The following LIN54 variants were observed in gnomAD, a reference collection of about 807,000 sequenced individuals.
LIN54 encodes protein lin-54 homolog.
Under a neutral mutation model 78.7 loss-of-function variants are expected in LIN54, and 9 were observed. The ratio of observed to expected loss-of-function variants is 0.11; its 90% CI spans 0.07 to 0.20. The LOEUF (loss-of-function observed/expected upper bound fraction) is 0.20, where lower values mean the gene tolerates loss of function less well. LIN54 is among the 10% of genes least tolerant of loss of function. The pLI is 1.00. For synonymous variants in LIN54, 269 were observed against 318.4 expected, an observed-to-expected ratio of 0.84 and a Z score of 1.65; for missense variants, 573 against 889.9, an observed-to-expected ratio of 0.64 and a Z score of 4.53.
At chr4:83,012,251 T>C (rs1449653347), upstream of LIN54, among the ~76,000 whole-genome samples, 1 of 151,888 alleles carries the variant, frequency 6.6e-6, no homozygotes, top group African/African-American at 2.4e-5. Flanking sequence ...CCCGCTCCCT[T>C]CCCCCGTGCA....
chr4:82,928,073 G>A lies in LIN54; in HGVS notation c.*29C>T, dbSNP rs531690345. On this transcript the variant is annotated 3_prime_UTR_variant, in exon 13 of 13. Coordinates refer to ENST00000340417, the MANE Select transcript of LIN54 (RefSeq NM_194282.4). The stretch of plus-strand genomic sequence containing the variant: ...CCCTGCACCTTAAATTTTCTGTACA[G>A]TTCCATTTATCAGTCTTTTGTGCAA... The A allele has an allele frequency of 4.3e-5, 69 of 1,595,900 alleles. 1 individual carries two copies. The South Asian group carries it at 6.5e-4, about 15-fold the overall frequency.
intron 1 of LIN54, among the ~76,000 whole-genome samples, chr4:82,993,907 C>G (rs537970637): frequency 6.6e-6 from 1 of 152,002 alleles, no homozygotes; most frequent in Admixed American, 6.6e-5. Context: ...TGAGCCACTA[C>G]GCCTGGCCTG....
rs1201932357 is a variant in LIN54, at chr4:82,927,940, A to C, written c.*162T>G. On this transcript the variant is annotated 3_prime_UTR_variant, in exon 13 of 13. Transcript: ENST00000340417. ...TTTAACTAAGATTTAAAATGTACTA[A>C]TTTCCTCATTTAAAATTTCTTCTCC... 3.2e-6 allele frequency: 2 copies of C among 619,350 alleles called. No homozygotes were observed. The highest frequency in any genetic ancestry group is 5.7e-6 in the Non-Finnish European group (2 of 350,668). 38.4% of individuals were successfully genotyped at this position (619,350 alleles called of 1,614,324 possible). A position where few individuals can be genotyped will look rare whatever the true frequency, so the allele number is the denominator to read the frequency against.
intron 2 of LIN54, among the ~76,000 whole-genome samples, chr4:82,981,888 G>T (rs551146320): frequency 6.6e-6 from 1 of 152,108 alleles, no homozygotes; most frequent in South Asian, 2.1e-4. Flanking sequence ...ACAAAAATTG[G>T]CCAGGTGTGG....
intron 3 of LIN54, among the ~76,000 whole-genome samples, chr4:82,978,550 G>T (rs963404520): frequency 6.6e-6 from 1 of 152,132 alleles, no homozygotes; most frequent in Non-Finnish European, 1.5e-5. Flanking sequence ...TACCTCATAG[G>T]ATTGCTGGGG....
intron 1 of LIN54, among the ~76,000 whole-genome samples, chr4:83,008,893 T>A (rs1398830408): frequency 2.0e-5 from 3 of 152,102 alleles, no homozygotes; most frequent in African/African-American, 7.2e-5. Flanking sequence ...AGAAAGCCAA[T>A]GAAAAAGCTT....
intron 5 of LIN54, among the ~76,000 whole-genome samples, chr4:82,943,687 CAGAG>C: frequency 6.6e-6 from 1 of 151,604 alleles, no homozygotes; most frequent in Middle Eastern, 3.4e-3. Flanking sequence ...GTGAAGAAGG[CAGAG>C]AGATATAGTG....
chr4:82,966,515 T>C (rs760398680), intron 4 of LIN54, among the ~76,000 whole-genome samples: 7 of 151,366 alleles, frequency 4.6e-5, no homozygotes, highest in Admixed American at 1.3e-4. Flanking sequence ...GCCAGGGCTT[T>C]ACATCTCAGT....
At chr4:82,985,957 T>C (rs1727096863) in intron 1 of LIN54, among the ~76,000 whole-genome samples, 1 of 152,240 alleles carries the variant, frequency 6.6e-6, no homozygotes, top group African/African-American at 2.4e-5. Flanking sequence ...GCTGTGGTAC[T>C]TTTAGCCAAA....
intron 4 of LIN54, among the ~76,000 whole-genome samples, chr4:82,966,620 T>C (rs1467053968): frequency 6.6e-6 from 1 of 152,078 alleles, no homozygotes; most frequent in African/African-American, 2.4e-5. Flanking sequence ...TTAGGTTTTT[T>C]TGGTTTCGTT....
At chr4:82,942,158 G>T (rs1013411460) in intron 5 of LIN54, among the ~76,000 whole-genome samples, 3 of 152,066 alleles carry the variant, frequency 2.0e-5, no homozygotes, top group Non-Finnish European at 4.4e-5. Flanking sequence ...TGCTTTTGGT[G>T]GGGACTGGAA....
intron 11 of LIN54, among the ~76,000 whole-genome samples, chr4:82,932,966 T>TATAA (rs1231364821): frequency 1.3e-5 from 2 of 152,094 alleles, no homozygotes; most frequent in African/African-American, 4.8e-5. Context: ...CCCATGTCTA[T>TATAA]ATAAATAAAT....
upstream of LIN54, chr4:83,011,953 T>C (rs761191958): frequency 3.5e-5 from 30 of 846,916 alleles, no homozygotes; most frequent in Non-Finnish European, 4.1e-5. Flanking sequence ...GCCACTCTAC[T>C]GTCTAAGTTA....
chr4:82,995,485 ATCTCTTTTTTTTTTT>A (rs1728120360), intron 1 of LIN54, among the ~76,000 whole-genome samples: 1 of 95,046 alleles, frequency 1.1e-5, no homozygotes, highest in African/African-American at 4.3e-5. Context: ...ACACATCCTT[ATCTCTTTTTTTTTTT>A]TTTTTTTTTT....
At chr4:82,966,021 G>T (rs1420052909) in intron 4 of LIN54, among the ~76,000 whole-genome samples, 2 of 152,024 alleles carry the variant, frequency 1.3e-5, no homozygotes, top group African/African-American at 4.8e-5. Flanking sequence ...ATTTTGTTTA[G>T]TTTCTACTAA....
chr4:82,949,562 A>G (rs1157061675), intron 4 of LIN54, among the ~76,000 whole-genome samples: 1 of 151,942 alleles, frequency 6.6e-6, no homozygotes, highest in African/African-American at 2.4e-5. Flanking sequence ...ATGCCCAGCT[A>G]ATTTTTGTAT....
At chr4:82,964,062 TTTTTTTGAGACGGAGTCTCACTC>T (rs1207344557) in intron 4 of LIN54, among the ~76,000 whole-genome samples, 1 of 152,146 alleles carries the variant, frequency 6.6e-6, no homozygotes, top group Non-Finnish European at 1.5e-5. Context: ...CCTCCTTTTT[TTTTTTTGAGACGGAGTCTCACTC>T]TGTTGCCCAG....
At chr4:83,009,431 G>A (rs1283609863) in intron 1 of LIN54, among the ~76,000 whole-genome samples, 3 of 152,082 alleles carry the variant, frequency 2.0e-5, no homozygotes, top group Non-Finnish European at 2.9e-5. Flanking sequence ...CAAAAAAGCT[G>A]GGGGAAAAGC....
rs13130106 is a variant in LIN54 at position 83,010,472 on chromosome 4, A to C, written c.-33+12T>G. 193,762 of 970,276 alleles carry C rather than the reference A, an allele frequency of 0.2. 18,474 individuals are homozygous for C. The highest frequency in any genetic ancestry group is 0.36 in the East Asian group (3,646 of 9,990). The allele number at this position is 970,276 out of a possible 1,614,324, so 60.1% of individuals were successfully genotyped here. ...GGACAGAGAAGCCCTCGGGTACCCC[A>C]TCCTCCTCTACCTCCAGCGGCTGCC... is the stretch of plus-strand genomic sequence containing the variant. On this transcript the variant is annotated intron_variant, in intron 1 of 12. Coordinates refer to ENST00000340417, the MANE Select transcript of LIN54 (RefSeq NM_194282.4).
Sources: allele counts gnomAD v4.1 joint callset (sites outside exome capture counted in the v4.1 genomes callset), GRCh38; gene constraint gnomAD v4.1.1; transcripts MANE v1.5; gene names NCBI Gene and HGNC (gene_info 2026-07-23, HGNC 2026-07-21).